ITPK1: variants seen among roughly 807,000 people sequenced by gnomAD.
ITPK1 encodes inositol-tetrakisphosphate 1-kinase, also known as inositol 1,3,4-trisphosphate 5/6-kinase.
Under a neutral mutation model 45.3 loss-of-function variants are expected in ITPK1, and 21 were observed. The observed-to-expected ratio is 0.46, with a 90% CI of 0.33 to 0.67. ITPK1 has a LOEUF of 0.67. Ranked by LOEUF, ITPK1 falls within the 30% of genes least tolerant of loss-of-function variation. The pLI is 0.02. For missense variants in ITPK1, 474 were observed against 573.5 expected (o/e 0.83, Z 1.77); for synonymous variants, 258 against 253.6 (o/e 1.02, Z -0.16).
intron 2 of ITPK1, among the ~76,000 whole-genome samples, chr14:93,093,584 T>G (rs535803375): frequency 1.3e-5 from 2 of 152,282 alleles, no homozygotes; most frequent in South Asian, 2.1e-4. Context: ...TACTGGCACC[T>G]CTTGGGGGTC....
chr14:92,979,616 G>A (rs531157030), intron 5 of ITPK1, among the ~76,000 whole-genome samples: 10 of 152,096 alleles, frequency 6.6e-5, no homozygotes, highest in East Asian at 1.9e-4. Flanking sequence ...CTAGCATGTC[G>A]CACTTCCCCT....
intron 2 of ITPK1, among the ~76,000 whole-genome samples, chr14:93,086,841 C>A (rs76293576): frequency 0.014 from 2,189 of 152,346 alleles, 52 homozygotes; most frequent in African/African-American, 0.05. Flanking sequence ...ATGAGTCAGC[C>A]CTGACCCCAT....
chr14:93,094,392 G>A (rs8022131), intron 2 of ITPK1, among the ~76,000 whole-genome samples: 9,265 of 152,168 alleles, frequency 0.061, 555 homozygotes, highest in African/African-American at 0.14. Context: ...GGCCAGCCTA[G>A]GATGTCTCCC....
intron 5 of ITPK1, among the ~76,000 whole-genome samples, chr14:92,965,300 T>C (rs912392453): frequency 2.6e-5 from 4 of 152,194 alleles, no homozygotes; most frequent in South Asian, 2.1e-4. Flanking sequence ...GAAAAAGCAT[T>C]TGAAAAAATC....
At chr14:92,971,093 C>T (rs912676260) in intron 5 of ITPK1, among the ~76,000 whole-genome samples, 1 of 152,148 alleles carries the variant, frequency 6.6e-6, no homozygotes, top group Non-Finnish European at 1.5e-5. Context: ...GGGTCAGGCA[C>T]CCTCTTCCTG....
At chr14:93,007,839 G>A (rs956774800) in intron 4 of ITPK1, among the ~76,000 whole-genome samples, 1 of 152,232 alleles carries the variant, frequency 6.6e-6, no homozygotes, top group East Asian at 1.9e-4. Flanking sequence ...TCTGACTGCT[G>A]CAATGGGCAG....
In ITPK1 at chr14:93,013,569, C is replaced by A. The variant is rs78986122; in HGVS notation, c.246+3107G>T. Among the ~76,000 whole-genome samples, 240 of 152,282 alleles carry A rather than the reference C, an allele frequency of 1.6e-3. 1 individual carries two copies. The highest frequency in any genetic ancestry group is 5.5e-3 in the African/African-American group (229 of 41,560). ...CACAGCCCCAAACCACTTCCTCCTC[C>A]CTCCCAGGACCTGAGTATGGACTGT... On this transcript the variant is annotated intron_variant, in intron 4 of 10. Transcript: ENST00000267615.
chr14:92,970,638 ATTT>A (rs796634667), intron 5 of ITPK1, among the ~76,000 whole-genome samples: 1 of 143,754 alleles, frequency 7.0e-6, no homozygotes, highest in African/African-American at 2.5e-5. Flanking sequence ...TCGCAGCATC[ATTT>A]TTTTTTTTTT....
At chr14:93,100,572 G>C (rs1455520021) in intron 2 of ITPK1, among the ~76,000 whole-genome samples, 1 of 105,534 alleles carries the variant, frequency 9.5e-6, no homozygotes, top group Non-Finnish European at 2.4e-5. Flanking sequence ...GAGAGAGAGA[G>C]ACAGACAGAC....
chr14:93,061,278 C>G (rs918090167), intron 3 of ITPK1, among the ~76,000 whole-genome samples: 1 of 152,182 alleles, frequency 6.6e-6, no homozygotes. Flanking sequence ...GTTGGTGTTA[C>G]GACAACCCCT....
At chr14:93,019,594 G>A (rs1888365227) in intron 3 of ITPK1, among the ~76,000 whole-genome samples, 1 of 152,246 alleles carries the variant, frequency 6.6e-6, no homozygotes, top group East Asian at 1.9e-4. Context: ...CTGGGTACCA[G>A]CAGGGCTGCT....
At position 92,994,840 on chromosome 14, in the gene ITPK1, C is replaced by T. The variant is rs528322808; in HGVS notation, c.247-843G>A. Among the ~76,000 whole-genome samples the T allele has an allele frequency of 2.2e-4, 33 of 152,310 alleles. No individual in the cohort carries two copies. The South Asian group carries it at 6.8e-3, about 32-fold the overall frequency. On this transcript the variant is annotated intron_variant, in intron 4 of 10. Transcript: ENST00000267615. ...GTCCTCTCAAGTCTTAACCCTTCAG[C>T]ATTTGTGAACGTGGCCTTATTTATA... is the stretch of plus-strand genomic sequence containing the variant.
Position 93,014,021 on chromosome 14 carries a change from GC to G in ITPK1, c.246+2654del, listed in dbSNP as rs757037117. Among the ~76,000 whole-genome samples, 11 of 152,220 alleles carry G rather than the reference GC, an allele frequency of 7.2e-5. No homozygotes were observed. Among genetic ancestry groups the G allele is most frequent in the Non-Finnish European group, 1.3e-4 (9 of 68,042 alleles). ...TCTCCTGGGGCCTCTGGAAAGTGCAGCCCCGCACCCTTTTCTCCAAAGGATT... is the reference window on the plus strand; with the variant it reads ...TCTCCTGGGGCCTCTGGAAAGTGCAGCCCGCACCCTTTTCTCCAAAGGATT... On this transcript the variant is annotated intron_variant, in intron 4 of 10. Transcript: ENST00000267615. The surrounding 1 kb of genome is among the most constrained non-coding windows in gnomAD (Gnocchi z 4.4).
At chr14:93,089,400 C>T (rs1891779839) in intron 2 of ITPK1, among the ~76,000 whole-genome samples, 1 of 152,154 alleles carries the variant, frequency 6.6e-6, no homozygotes. Context: ...GGAACCCTTC[C>T]TATGAAGTAG....
Position 93,079,702 on chromosome 14 carries a change from G to C in ITPK1, c.96-3083C>G, listed in dbSNP as rs1343737774. Reference sequence around the variant, plus strand: ...TTTTTCACTGGGAAACTCGTGCAGAGCAAAGGCACCAACAACCTCGATTCC... The same window carrying C: ...TTTTTCACTGGGAAACTCGTGCAGACCAAAGGCACCAACAACCTCGATTCC... On this transcript the variant is annotated intron_variant, in intron 2 of 10. Transcript: ENST00000267615. 2.0e-5 allele frequency among the ~76,000 whole-genome samples: 3 copies of C among 152,240 alleles called. No individual in the cohort carries two copies. In the East Asian group the frequency reaches 5.8e-4, roughly 29 times the overall value.
chr14:93,109,104 C>T (rs1011977873), intron 2 of ITPK1, among the ~76,000 whole-genome samples: 1 of 152,126 alleles, frequency 6.6e-6, no homozygotes, highest in Non-Finnish European at 1.5e-5. Context: ...GGCAAGGGGA[C>T]GGGGTATTGT....
intron 2 of ITPK1, among the ~76,000 whole-genome samples, chr14:93,112,827 C>T (rs975650084): frequency 6.6e-5 from 10 of 152,144 alleles, no homozygotes; most frequent in African/African-American, 1.9e-4. Flanking sequence ...AGAAGCCCTG[C>T]GCCCCCAGAT....
rs944631390 is a variant in ITPK1, at chr14:92,941,596, C to T, written c.1210G>A (p.Val404Met). The T allele has an allele frequency of 3.9e-6, 6 of 1,537,324 alleles. No individual in the cohort carries two copies. The highest frequency in any genetic ancestry group is 2.1e-5 in the Admixed American group (1 of 48,568). The change falls in exon 11 of 11, where the codon GTG becomes ATG. Residue 404 changes from valine to methionine, a missense_variant. Physicochemically the swap from Val to Met is conservative, Grantham distance 21 (BLOSUM62 1). Transcript: ENST00000267615. Reference protein sequence around the residue: ...GVSPSFQQHCVASLATKASSQ With the variant: ...GVSPSFQQHCMASLATKASSQ ...GAGGCCTTGGTGGCCAGGGAGGCCA[C>T]ACAATGCTGCTGGAAGCTGGGCGAC...
chr14:93,069,018 G>A (rs1014970926), intron 3 of ITPK1: 1 of 152,358 alleles, frequency 6.6e-6, no homozygotes, highest in Non-Finnish European at 1.5e-5. Flanking sequence ...AGAAACAAGG[G>A]AGGAGTCTGG....
Sources: allele counts gnomAD v4.1 joint callset (sites outside exome capture counted in the v4.1 genomes callset), GRCh38; gene constraint gnomAD v4.1.1; non-coding constraint Gnocchi (gnomAD v3.1); transcripts MANE v1.5; gene names NCBI Gene and HGNC (gene_info 2026-07-23, HGNC 2026-07-21).